The following HADHA variants were observed in gnomAD, a reference collection of about 807,000 sequenced individuals.
The protein encoded by HADHA is hydroxyacyl-CoA dehydrogenase trifunctional multienzyme complex subunit alpha, also known as trifunctional enzyme subunit alpha, mitochondrial.
Under a neutral mutation model 91.3 loss-of-function variants are expected in HADHA, and 59 were observed. The observed-to-expected ratio is 0.65, with a 90% confidence interval of 0.52 to 0.80. The LOEUF is 0.80. HADHA is among the 30% of genes least tolerant of loss of function. The pLI, the probability that HADHA is intolerant of heterozygous loss-of-function variation, is 0.00. For synonymous variants in HADHA, 320 were observed against 338.9 expected (o/e 0.94, Z 0.61); for missense variants, 800 against 927.6 (o/e 0.86, Z 1.79).
chr2:26,237,040 G>C (rs774626117), intron 3 of HADHA, 52 bp from the exon 4 acceptor site: 10 of 1,263,440 alleles, frequency 7.9e-6, no homozygotes, highest in Non-Finnish European at 1.2e-5. Context: ...AGCACTGGAT[G>C]TACGTACCAC....
chr2:26,193,616 G>A lies in HADHA; in HGVS notation c.1846C>T (p.Pro616Ser), dbSNP rs1353424333. Residue 616 changes from proline (P) to serine (S), a missense_variant, in exon 17 of 20, where the codon CCA becomes TCA. Pro to Ser is a moderately conservative substitution (Grantham distance 74, BLOSUM62 -1). Transcript: ENST00000380649. Reference sequence around the variant, plus strand: ...GACACCATCTGTGTCAGCAGTTCTGGGTTTCCACCTCCAAACCGCTCCCCA... The same window carrying A: ...GACACCATCTGTGTCAGCAGTTCTGAGTTTCCACCTCCAAACCGCTCCCCA... Reference protein sequence around the residue: ...VFGERFGGGNPELLTQMVSKG... With the variant: ...VFGERFGGGNSELLTQMVSKG... 6.2e-7 allele frequency: 1 copy of A among 1,613,904 alleles called. No homozygotes were observed. The highest frequency in any genetic ancestry group is 1.1e-5 in the South Asian group (1 of 91,052).
At chr2:26,222,008 T>C (rs2147774474) in intron 7 of HADHA, among the ~76,000 whole-genome samples, 1 of 152,228 alleles carries the variant, frequency 6.6e-6, no homozygotes, top group East Asian at 1.9e-4. Flanking sequence ...CTGAATTGTG[T>C]CCCCCCTACC....
chr2:26,195,310 AAC>A, intron 14 of HADHA, 78 bp from the exon 15 acceptor site: 2 of 1,210,576 alleles, frequency 1.7e-6, no homozygotes, highest in Non-Finnish European at 2.5e-6. Flanking sequence ...CTGCTAGGAA[AAC>A]ACTAGAAAGA....
chr2:26,196,919 C>G (rs1669691159), intron 14 of HADHA, among the ~76,000 whole-genome samples: 1 of 152,238 alleles, frequency 6.6e-6, no homozygotes, highest in African/African-American at 2.4e-5. Context: ...CTGCCTCTGT[C>G]AGGTCCCCGC....
At chr2:26,218,409 A>G (rs753656011) in intron 7 of HADHA, among the ~76,000 whole-genome samples, 5 of 152,228 alleles carry the variant, frequency 3.3e-5, no homozygotes, top group African/African-American at 1.2e-4. Flanking sequence ...GAACAGACCT[A>G]CACTACAGAA....
chr2:26,236,919 G>A lies in HADHA; in HGVS notation c.250C>T (p.Gln84Ter). 6.2e-7 allele frequency: 1 copy of A among 1,608,264 alleles called. No homozygotes were observed. Among genetic ancestry groups the A allele is most frequent in the Non-Finnish European group, 8.5e-7 (1 of 1,174,720 alleles). ...EVMNEIWASD[Q>*]IRSAVLISSK... The stretch of plus-strand genomic sequence containing the variant: ...GAGATAAGGACGGCACTTCTGATTT[G>A]ATCACTAGCCCAGATTTCATTCATA... The change falls in exon 4 of 20, where the codon CAA becomes TAA. Residue 84 changes from glutamine to a stop codon, truncating the protein, a stop_gained. Coordinates refer to ENST00000380649, the MANE Select transcript of HADHA (RefSeq NM_000182.5). LOFTEE classifies it high-confidence loss of function.
rs935397648 is a variant in HADHA at position 26,193,759 on chromosome 2, G to A, written c.1703C>T (p.Pro568Leu). Residue 568 changes from proline (P) to leucine (L), a missense_variant, in exon 17 of 20, where the codon CCG becomes CTG. Pro to Leu is a moderately conservative substitution (Grantham distance 98). Transcript: ENST00000380649. ...VIRILQEGVD[P>L]KKLDSLTTSF... ...TGTGGTCAGGGAATCCAGCTTCTTC[G>A]GGTCAACTCCTTCCTGAACAGGAAG... is the stretch of plus-strand genomic sequence containing the variant. 3.7e-6 allele frequency: 6 copies of A among 1,613,900 alleles called. No homozygotes were observed. The highest frequency in any genetic ancestry group is 1.1e-5 in the South Asian group (1 of 91,072).
chr2:26,192,240 G>T, intron 18 of HADHA, 70 bp downstream of exon 18: 1 of 804,204 alleles, frequency 1.2e-6, no homozygotes, highest in Non-Finnish European at 2.2e-6. Flanking sequence ...AAAAATGGAA[G>T]AGGGGCTGGG....
At chr2:26,212,370 AACC>A in intron 10 of HADHA, 197 bp downstream of exon 10, 1 of 592,550 alleles carries the variant, frequency 1.7e-6, no homozygotes, top group Non-Finnish European at 3.1e-6. Flanking sequence ...TACAGGGGTA[AACC>A]ACCACGCCTG....
chr2:26,211,301 G>A (rs1389991496), intron 10 of HADHA, among the ~76,000 whole-genome samples: 1 of 151,928 alleles, frequency 6.6e-6, no homozygotes, highest in African/African-American at 2.4e-5. Flanking sequence ...TCTAGTACCA[G>A]AAGTGTTTTT....
chr2:26,234,263 G>C lies in HADHA; in HGVS notation c.407C>G (p.Pro136Arg), dbSNP rs796051972. The C allele has an allele frequency of 6.2e-7, 1 of 1,613,010 alleles. No individual in the cohort carries two copies. Among genetic ancestry groups the C allele is most frequent in the South Asian group, 1.1e-5 (1 of 91,062 alleles). Residue 136 changes from proline to arginine, a missense_variant, in exon 5 of 20, where the codon CCT (proline) becomes CGT (arginine). Physicochemically the swap from Pro to Arg is moderately radical, Grantham distance 103. Coordinates refer to ENST00000380649, the MANE Select transcript of HADHA (RefSeq NM_000182.5). Reference sequence around the variant, plus strand: ...GGATCCATTGATGGCAGCCACAATAGGCTTTGTGGACTTTTCAAGTTTCTC... The same window carrying C: ...GGATCCATTGATGGCAGCCACAATACGCTTTGTGGACTTTTCAAGTTTCTC... ...IVEKLEKSTK[P>R]IVAAINGSCL...
intron 1 of HADHA, among the ~76,000 whole-genome samples, 159 bp from the exon 2 acceptor site, chr2:26,239,302 C>T (rs1038222647): frequency 6.6e-6 from 1 of 152,092 alleles, no homozygotes; most frequent in African/African-American, 2.4e-5. Flanking sequence ...TTTTCCATTT[C>T]AGTTGTTAGG....
At chr2:26,219,204 C>A (rs1177156746) in intron 7 of HADHA, among the ~76,000 whole-genome samples, 1 of 150,890 alleles carries the variant, frequency 6.6e-6, no homozygotes. Context: ...TCTCGGCTCA[C>A]TGCAACCTCC....
intron 11 of HADHA, among the ~76,000 whole-genome samples, chr2:26,208,114 A>G (rs6711402): frequency 0.82 from 124,573 of 152,174 alleles, 51,095 homozygotes; most frequent in African/African-American, 0.89. Context: ...TTTTCTGCCC[A>G]TTTAGTTCTG....
chr2:26,222,249 A>T (rs1670392304), intron 7 of HADHA, among the ~76,000 whole-genome samples: 1 of 152,242 alleles, frequency 6.6e-6, no homozygotes, highest in Non-Finnish European at 1.5e-5. Context: ...GAGATGCCTC[A>T]GAAGAAACCA....
chr2:26,242,277 G>A (rs1308316208), intron 1 of HADHA, among the ~76,000 whole-genome samples: 1 of 152,184 alleles, frequency 6.6e-6, no homozygotes, highest in Non-Finnish European at 1.5e-5. Context: ...TTACTGTGAA[G>A]GATCTATTGA....
At chr2:26,237,012 G>A (rs771313069) in intron 3 of HADHA, 24 bp from the exon 4 acceptor site, 23 of 1,581,010 alleles carry the variant, frequency 1.5e-5, no homozygotes, top group Admixed American at 1.2e-4. Context: ...ATATATACAG[G>A]TAAGGGTTTA....
intron 7 of HADHA, among the ~76,000 whole-genome samples, chr2:26,220,174 G>A (rs1438878020): frequency 3.3e-5 from 5 of 152,202 alleles, no homozygotes; most frequent in Non-Finnish European, 7.3e-5. Context: ...GGCTTATGAA[G>A]TCAAGTGATC....
At chr2:26,215,274 C>G (rs1029162793) in intron 7 of HADHA, 99 bp from the exon 8 acceptor site, 5 of 1,062,188 alleles carry the variant, frequency 4.7e-6, no homozygotes, top group Non-Finnish European at 7.3e-6. Context: ...CCTAGCACAG[C>G]GTTCCATTTC....
Sources: gnomAD v4.1 joint callset for allele counts (sites outside exome capture counted in the v4.1 genomes callset) on GRCh38, gnomAD v4.1.1 for gene constraint, MANE v1.5 for transcripts, NCBI Gene and HGNC (gene_info 2026-07-23, HGNC 2026-07-21) for gene names.